Variants in FGGY observed in about 807,000 individuals in gnomAD.
FGGY encodes the protein FGGY carbohydrate kinase domain containing.
In FGGY, 72 loss-of-function variants were observed where a neutral mutation model predicts 71.3. The observed-to-expected ratio is 1.01, with a 90% CI of 0.84 to 1.23. FGGY has a LOEUF of 1.23. Among genes scored for constraint, FGGY ranks in the 50% most tolerant of loss-of-function variants. The probability of loss-of-function intolerance (pLI) is 0.00; values close to 1 mark genes in which losing one functional copy is unlikely to be tolerated. For missense variants in FGGY, 668 were observed against 682.3 expected (o/e 0.98, Z 0.23); for synonymous variants, 251 against 250.3 (o/e 1.00, Z -0.02).
intron 14 of FGGY, among the ~76,000 whole-genome samples, chr1:59,686,630 G>A (rs116760082): frequency 0.016 from 2,398 of 151,772 alleles, 71 homozygotes; most frequent in African/African-American, 0.055. Flanking sequence ...CTCACAGAGT[G>A]TTCTAGGCTC....
At chr1:59,583,741 C>T (rs17485467) in intron 8 of FGGY, among the ~76,000 whole-genome samples, 5,540 of 142,208 alleles carry the variant, frequency 0.039, 723 homozygotes, top group Non-Finnish European at 0.059. Context: ...CAGTCACCCT[C>T]ACCAAGATAC....
intron 14 of FGGY, among the ~76,000 whole-genome samples, chr1:59,727,018 GT>G (rs1336437696): frequency 2.6e-5 from 4 of 152,102 alleles, no homozygotes; most frequent in Non-Finnish European, 4.4e-5. Flanking sequence ...ACAATAGGTA[GT>G]TTTTCAACCC....
At chr1:59,598,795 T>C (rs180705591) in intron 8 of FGGY, among the ~76,000 whole-genome samples, 24 of 152,364 alleles carry the variant, frequency 1.6e-4, no homozygotes, top group Admixed American at 1.5e-3. Context: ...TATATCCTAT[T>C]ATTGCCCTTA....
At chr1:59,402,041 A>G (rs1025935486) in intron 5 of FGGY, among the ~76,000 whole-genome samples, 1 of 152,236 alleles carries the variant, frequency 6.6e-6, no homozygotes, top group Non-Finnish European at 1.5e-5. Context: ...CTAGGCTATA[A>G]GCTTTCTGAC....
intron 8 of FGGY, among the ~76,000 whole-genome samples, chr1:59,581,998 A>C (rs778038422): frequency 6.7e-6 from 1 of 149,986 alleles, no homozygotes; most frequent in Non-Finnish European, 1.5e-5. Context: ...TTTAAAGATC[A>C]TTCAGCCTGT....
intron 14 of FGGY, among the ~76,000 whole-genome samples, chr1:59,696,628 A>T (rs531647603): frequency 1.3e-5 from 2 of 152,164 alleles, no homozygotes; most frequent in Admixed American, 1.3e-4. Context: ...AGGCCTTTCA[A>T]TTGTTTTCTT....
intron 7 of FGGY, among the ~76,000 whole-genome samples, chr1:59,531,305 A>G (rs938096091): frequency 6.6e-6 from 1 of 152,212 alleles, no homozygotes; most frequent in Non-Finnish European, 1.5e-5. Context: ...AAATTTTCCT[A>G]CTATTGAAGT....
At chr1:59,523,090 A>T (rs964181234) in intron 7 of FGGY, among the ~76,000 whole-genome samples, 14 of 152,338 alleles carry the variant, frequency 9.2e-5, no homozygotes, top group African/African-American at 2.6e-4. Flanking sequence ...AAACAAAAAA[A>T]CACACAGTAA....
Position 59,638,361 on chromosome 1 carries a change from A to G in FGGY, c.1207A>G (p.Thr403Ala). 2 of 1,614,242 alleles carry G rather than the reference A, an allele frequency of 1.2e-6. No homozygotes were observed. Among genetic ancestry groups the G allele is most frequent in the Non-Finnish European group, 1.7e-6 (2 of 1,180,046 alleles). ...CAACCGGTCTCCCTTAGCAGATCTG[A>G]CACTAAAGGGCATGGTAAGTAACAG... ...HGNRSPLADL[T>A]LKGMVTGLKL... is the part of the protein sequence containing the mutation. The change falls in exon 11 of 16, where the codon ACA (threonine) becomes GCA (alanine). Residue 403 changes from threonine to alanine, a missense_variant. Physicochemically the swap from Thr to Ala is moderately conservative, Grantham distance 58. Transcript: ENST00000303721.
At position 59,465,021 on chromosome 1, in the gene FGGY, G is replaced by A. The variant is rs2092524338; in HGVS notation, c.670+7945G>A. On this transcript the variant is annotated intron_variant, in intron 6 of 15. Coordinates refer to ENST00000303721, the MANE Select transcript of FGGY (RefSeq NM_018291.5). ...CTCCCTAATTCATTTTATGAGGCCA[G>A]CATCATCCTGATACCAATGCCTGGC... Among the ~76,000 whole-genome samples the A allele has an allele frequency of 2.0e-5, 3 of 152,190 alleles. No individual in the cohort carries two copies. In the South Asian group the frequency reaches 6.2e-4, roughly 31 times the overall value.
At chr1:59,554,549 G>A (rs753870876) in intron 8 of FGGY, among the ~76,000 whole-genome samples, 7 of 152,108 alleles carry the variant, frequency 4.6e-5, no homozygotes, top group Non-Finnish European at 7.4e-5. Context: ...AGACTGATCT[G>A]TCCCTAATGG....
intron 7 of FGGY, among the ~76,000 whole-genome samples, chr1:59,514,907 T>G (rs1240231767): frequency 6.6e-6 from 1 of 152,134 alleles, no homozygotes; most frequent in Non-Finnish European, 1.5e-5. Context: ...ATACAGTAAA[T>G]TGGTACCAGT....
intron 6 of FGGY, among the ~76,000 whole-genome samples, chr1:59,460,043 T>C (rs1005629759): frequency 6.6e-6 from 1 of 152,058 alleles, no homozygotes; most frequent in Non-Finnish European, 1.5e-5. Flanking sequence ...GAAATGAAGA[T>C]AAAGGGCAGG....
At chr1:59,726,340 T>A (rs2097947858) in intron 14 of FGGY, among the ~76,000 whole-genome samples, 1 of 152,146 alleles carries the variant, frequency 6.6e-6, no homozygotes, top group Non-Finnish European at 1.5e-5. Flanking sequence ...AATATTATAT[T>A]AAGAATATTT....
intron 8 of FGGY, among the ~76,000 whole-genome samples, chr1:59,604,338 T>C (rs2096603915): frequency 6.6e-6 from 1 of 152,236 alleles, no homozygotes; most frequent in Non-Finnish European, 1.5e-5. Context: ...AACTAGGAAT[T>C]CCTAGATTCT....
chr1:59,660,331 G>A, intron 12 of FGGY, 38 bp downstream of exon 12: 1 of 1,557,820 alleles, frequency 6.4e-7, no homozygotes, highest in Non-Finnish European at 8.8e-7. Flanking sequence ...GAGACTTAGA[G>A]CCATCAGTAT....
intron 6 of FGGY, among the ~76,000 whole-genome samples, chr1:59,468,332 A>C (rs2092755567): frequency 6.6e-6 from 1 of 152,130 alleles, no homozygotes; most frequent in African/African-American, 2.4e-5. Context: ...AACACCTTCT[A>C]CATAAGACGG....
At chr1:59,385,331 T>G (rs1384663737) in intron 5 of FGGY, among the ~76,000 whole-genome samples, 1 of 152,190 alleles carries the variant, frequency 6.6e-6, no homozygotes, top group African/African-American at 2.4e-5. Flanking sequence ...TTTTCTTATA[T>G]TAATGAAAAT....
chr1:59,507,586 G>A (rs554192279), intron 6 of FGGY, among the ~76,000 whole-genome samples: 19 of 151,482 alleles, frequency 1.3e-4, no homozygotes, highest in Non-Finnish European at 2.2e-4. Flanking sequence ...GCGCAATCTC[G>A]GCTTACTGCA....
Sources: allele counts gnomAD v4.1 joint callset (sites outside exome capture counted in the v4.1 genomes callset), GRCh38; gene constraint gnomAD v4.1.1; transcripts MANE v1.5; gene names NCBI Gene and HGNC (gene_info 2026-07-23, HGNC 2026-07-21).